BMPR2: variants seen among roughly 807,000 people sequenced by gnomAD.
BMPR2 encodes bone morphogenetic protein receptor type 2.
A neutral mutation model predicts 100.8 loss-of-function variants in BMPR2; 29 were observed. The ratio of observed to expected loss-of-function variants is 0.29; its 90% CI spans 0.21 to 0.39. BMPR2 has a LOEUF of 0.39. Among genes scored for constraint, BMPR2 ranks in the 10% least tolerant of loss-of-function variants. BMPR2 has a pLI of 1.00. For synonymous variants in BMPR2, 382 were observed against 442.3 expected (o/e 0.86, Z 1.71); for missense variants, 1,011 against 1,274.5 (o/e 0.79, Z 3.15).
intron 1 of BMPR2, among the ~76,000 whole-genome samples, chr2:202,382,287 T>C (rs975717813): frequency 2.0e-5 from 3 of 152,158 alleles, no homozygotes; most frequent in Non-Finnish European, 2.9e-5. Context: ...CTCGAACTCC[T>C]GATCTTGTGA....
chr2:202,553,845 C>T (rs1465212521), intron 11 of BMPR2, among the ~76,000 whole-genome samples: 2 of 152,104 alleles, frequency 1.3e-5, no homozygotes, highest in Non-Finnish European at 2.9e-5. Context: ...CGAGCCACCA[C>T]GCCCAGCTAA....
intron 3 of BMPR2, among the ~76,000 whole-genome samples, chr2:202,502,574 G>C (rs189919603): frequency 6.6e-6 from 1 of 152,284 alleles, no homozygotes; most frequent in Admixed American, 6.5e-5. Flanking sequence ...CTACTTATGT[G>C]GATCTTCAAC....
intron 1 of BMPR2, among the ~76,000 whole-genome samples, chr2:202,457,446 C>CT (rs1043918791): frequency 8.0e-5 from 12 of 149,744 alleles, no homozygotes; most frequent in Non-Finnish European, 1.6e-4. Flanking sequence ...TTTATAATGA[C>CT]TTTTTTTAGA....
intron 10 of BMPR2, among the ~76,000 whole-genome samples, chr2:202,547,740 G>T (rs1318980861): frequency 1.5e-5 from 2 of 133,030 alleles, no homozygotes; most frequent in African/African-American, 5.9e-5. Context: ...CAGAGATCAT[G>T]CCACTGCAAT....
At chr2:202,531,217 C>G (rs546519446) in intron 8 of BMPR2, among the ~76,000 whole-genome samples, 3 of 152,166 alleles carry the variant, frequency 2.0e-5, no homozygotes, top group African/African-American at 7.2e-5. Context: ...GCAAGAGAAT[C>G]GCTTGAACCC....
chr2:202,479,666 G>C (rs1692620515), intron 3 of BMPR2, among the ~76,000 whole-genome samples: 1 of 152,004 alleles, frequency 6.6e-6, no homozygotes. Context: ...GCAGTAATAA[G>C]CACTACTGTG....
intron 1 of BMPR2, among the ~76,000 whole-genome samples, chr2:202,409,277 G>A (rs1030910699): frequency 2.0e-5 from 3 of 152,146 alleles, no homozygotes; most frequent in Non-Finnish European, 4.4e-5. Flanking sequence ...CCCAGAAGGC[G>A]GGGAAGTTGC....
intron 3 of BMPR2, among the ~76,000 whole-genome samples, chr2:202,497,743 C>T (rs1293919046): frequency 1.3e-5 from 2 of 152,212 alleles, no homozygotes; most frequent in Non-Finnish European, 2.9e-5. Context: ...CCTCTCACCT[C>T]TTTTCTCTGA....
Position 202,476,124 on chromosome 2 carries a change from G to T in BMPR2, c.418+8435G>T, listed in dbSNP as rs1413822700. ...AAAAAAAAATCTAAGTCCCAAGCAT[G>T]TATGGTGGAATTGACCAGTGTTTAA... On this transcript the variant is annotated intron_variant, in intron 3 of 12. Coordinates refer to ENST00000374580, the MANE Select transcript of BMPR2 (RefSeq NM_001204.7). Among the ~76,000 whole-genome samples, 3 of 149,020 alleles carry T rather than the reference G, an allele frequency of 2.0e-5. No homozygotes were observed. In the East Asian group the frequency reaches 5.9e-4, roughly 29 times the overall value.
chr2:202,467,343 T>C (rs1485900982), intron 2 of BMPR2, among the ~76,000 whole-genome samples, 176 bp from the exon 3 acceptor site: 1 of 152,238 alleles, frequency 6.6e-6, no homozygotes, highest in Non-Finnish European at 1.5e-5. Context: ...TGAAATGTCT[T>C]TGGTATCCTT....
At chr2:202,391,906 C>T (rs549816156) in intron 1 of BMPR2, among the ~76,000 whole-genome samples, 15 of 149,948 alleles carry the variant, frequency 1.0e-4, no homozygotes, top group East Asian at 6.0e-4. Flanking sequence ...GGACTACAGG[C>T]GCGCGCCACC....
chr2:202,497,638 A>G (rs1693069271), intron 3 of BMPR2, among the ~76,000 whole-genome samples: 1 of 152,028 alleles, frequency 6.6e-6, no homozygotes, highest in Non-Finnish European at 1.5e-5. Context: ...CATGGGCAGA[A>G]CTCTCAAAGG....
chr2:202,520,376 C>T, intron 7 of BMPR2, 175 bp downstream of exon 7: 1 of 636,216 alleles, frequency 1.6e-6, no homozygotes, highest in South Asian at 1.9e-5. Flanking sequence ...AAAGAGCTTT[C>T]CCACGCAGCT....
intron 1 of BMPR2, among the ~76,000 whole-genome samples, chr2:202,401,125 G>A (rs1478703290): frequency 6.6e-6 from 1 of 152,152 alleles, no homozygotes; most frequent in Non-Finnish European, 1.5e-5. Flanking sequence ...ATGTCACTCA[G>A]CCTATTGAGT....
chr2:202,559,953 T>C lies in BMPR2; in HGVS notation c.*7T>C. On this transcript the variant is annotated 3_prime_UTR_variant, in exon 13 of 13. Coordinates refer to ENST00000374580, the MANE Select transcript of BMPR2 (RefSeq NM_001204.7). ...AGGAATGAACTGTCTGTGAAATGTTTTCAAGCCTATGGAGTGAAATTATTT... is the reference window on the plus strand; with the variant it reads ...AGGAATGAACTGTCTGTGAAATGTTCTCAAGCCTATGGAGTGAAATTATTT... 3.7e-6 allele frequency: 6 copies of C among 1,614,018 alleles called. No homozygotes were observed. The highest frequency in any genetic ancestry group is 5.1e-6 in the Non-Finnish European group (6 of 1,180,020).
At chr2:202,480,978 A>AG (rs1553504887) in intron 3 of BMPR2, among the ~76,000 whole-genome samples, 1 of 151,514 alleles carries the variant, frequency 6.6e-6, no homozygotes, top group Non-Finnish European at 1.5e-5. Context: ...AAAAAAAAAA[A>AG]AATCAATTGA....
At chr2:202,527,293 C>T (rs944711703) in intron 7 of BMPR2, among the ~76,000 whole-genome samples, 4 of 151,600 alleles carry the variant, frequency 2.6e-5, no homozygotes, top group Non-Finnish European at 4.4e-5. Context: ...CGAAACCATT[C>T]TGGCCAACAT....
chr2:202,555,231 T>C (rs774325850), intron 11 of BMPR2, 21 bp from the exon 12 acceptor site: 1 of 1,600,706 alleles, frequency 6.2e-7, no homozygotes, highest in Non-Finnish European at 8.6e-7. Context: ...CTCAATGTGA[T>C]ACTTTTTTTC....
At chr2:202,558,440 G>T (rs1688621461) in intron 12 of BMPR2, among the ~76,000 whole-genome samples, 1 of 151,956 alleles carries the variant, frequency 6.6e-6, no homozygotes, top group Non-Finnish European at 1.5e-5. Flanking sequence ...AGGCATTTAT[G>T]AAAAAAAGTT....
Sources: allele counts gnomAD v4.1 joint callset (sites outside exome capture counted in the v4.1 genomes callset), GRCh38; gene constraint gnomAD v4.1.1; transcripts MANE v1.5; gene names NCBI Gene and HGNC (gene_info 2026-07-23, HGNC 2026-07-21).